Variants in ZNF345 observed in about 807,000 individuals in gnomAD.
ZNF345 encodes zinc finger protein HZF10.
For missense variants in ZNF345, 527 were observed against 589.9 expected, an observed-to-expected ratio of 0.89 and a Z score of 1.10; for synonymous variants, 166 against 187.9, an observed-to-expected ratio of 0.88 and a Z score of 0.95.
chr19:36,879,669 A>G (rs580168), downstream of ZNF345: 37,042 of 157,726 alleles, frequency 0.23, 6,121 homozygotes, highest in African/African-American at 0.47. Context: ...AAAGATTTTT[A>G]CATTACAGAT....
Position 36,863,886 on chromosome 19 carries a change from G to T in ZNF345, c.-47+11982G>T, listed in dbSNP as rs570604845. 2.0e-5 allele frequency among the ~76,000 whole-genome samples: 3 copies of T among 152,208 alleles called. No homozygotes were observed. The South Asian group carries it at 6.2e-4, about 32-fold the overall frequency. The stretch of plus-strand genomic sequence containing the variant: ...TGACACTTCATTCCAATCAACCATG[G>T]CCTAATTAATTGTAACATTACTGCA... On this transcript the variant is annotated intron_variant, in intron 2 of 2. Transcript: ENST00000420450.
chr19:36,856,047 C>T (rs1044279222), intron 2 of ZNF345, among the ~76,000 whole-genome samples: 3 of 152,188 alleles, frequency 2.0e-5, no homozygotes, highest in Non-Finnish European at 4.4e-5. Flanking sequence ...CTGTCAGTGT[C>T]GTCAAGATTG....
At chr19:36,854,279 C>A (rs986880779) in intron 2 of ZNF345, among the ~76,000 whole-genome samples, 1 of 150,464 alleles carries the variant, frequency 6.6e-6, no homozygotes, top group Non-Finnish European at 1.5e-5. Flanking sequence ...CCTGCCTGTC[C>A]TTGTCCCCCT....
intron 2 of ZNF345, among the ~76,000 whole-genome samples, chr19:36,856,141 C>T (rs185162986): frequency 1.3e-5 from 2 of 152,286 alleles, no homozygotes; most frequent in South Asian, 2.1e-4. Flanking sequence ...TTCTTGGGAC[C>T]TCTATATCAA....
At chr19:36,875,609 C>T (rs1338671730) in intron 2 of ZNF345, among the ~76,000 whole-genome samples, 2 of 152,034 alleles carry the variant, frequency 1.3e-5, no homozygotes, top group South Asian at 4.1e-4. Context: ...GCTAAGGGTG[C>T]AAAACTGGAA....
chr19:36,857,335 C>G (rs1236242223), intron 2 of ZNF345, among the ~76,000 whole-genome samples: 1 of 152,032 alleles, frequency 6.6e-6, no homozygotes, highest in Admixed American at 6.6e-5. Context: ...GAGACGGAGT[C>G]TTGCTCTGTC....
exon 4 of ZNF345, chr19:36,892,907 A>C (rs761568000): frequency 3.2e-5 from 37 of 1,140,872 alleles, no homozygotes; most frequent in Non-Finnish European, 4.0e-5. Flanking sequence ...CAGCATGCCC[A>C]GGCAGGGGTT....
intron 2 of ZNF345, among the ~76,000 whole-genome samples, chr19:36,859,818 C>T (rs74477157): frequency 0.018 from 2,711 of 152,062 alleles, 65 homozygotes; most frequent in East Asian, 0.11. Context: ...TACCTTTTGC[C>T]TATTTGCGTT....
intron 2 of ZNF345, chr19:36,854,641 C>T (rs948912203): frequency 3.3e-5 from 5 of 152,088 alleles, no homozygotes; most frequent in Non-Finnish European, 7.3e-5. Flanking sequence ...TCTTCTCCAG[C>T]TCTTTATGTA....
chr19:36,892,712 C>G, intron 3 of ZNF345: 1 of 583,478 alleles, frequency 1.7e-6, no homozygotes, highest in Admixed American at 3.6e-5. Flanking sequence ...TTGGTCTGAA[C>G]CAGAGTCACC....
At chr19:36,891,656 G>T (rs1426317047) in intron 3 of ZNF345, 3 of 1,613,382 alleles carry the variant, frequency 1.9e-6, no homozygotes, top group Non-Finnish European at 2.5e-6. Context: ...CATTCATATG[G>T]TTTTTCATCT....
rs558185781 is a variant in ZNF345, at chr19:36,856,748, T to A, written c.-47+4844T>A. Reference sequence around the variant, plus strand: ...GCAGGTACCTGTAATTCCAGCTACCTGGGAGGCAGGAGAATCGCTGGAACC... The same window carrying A: ...GCAGGTACCTGTAATTCCAGCTACCAGGGAGGCAGGAGAATCGCTGGAACC... On this transcript the variant is annotated intron_variant, in intron 2 of 2. Coordinates refer to ENST00000420450, the MANE Select transcript of ZNF345 (RefSeq NM_001242472.2). Among the ~76,000 whole-genome samples, 5 of 151,076 alleles carry A rather than the reference T, an allele frequency of 3.3e-5. No homozygotes were observed. The South Asian group carries it at 1.0e-3, about 32-fold the overall frequency.
intron 2 of ZNF345, among the ~76,000 whole-genome samples, chr19:36,868,783 G>A (rs1391164691): frequency 2.6e-5 from 4 of 151,752 alleles, no homozygotes; most frequent in African/African-American, 9.7e-5. Context: ...GTGCCACCAC[G>A]CCCAGCTAAT....
In ZNF345 at chr19:36,876,915, G is replaced by C; in HGVS notation, c.85G>C (p.Gly29Arg). 6.2e-7 allele frequency: 1 copy of C among 1,614,008 alleles called. No homozygotes were observed. Among genetic ancestry groups the C allele is most frequent in the South Asian group, 1.1e-5 (1 of 91,050 alleles). ...ECKNQFERKQGSQEGHFSEMI... is the reference protein window; with the variant it reads ...ECKNQFERKQRSQEGHFSEMI... ...TAAAAACCAGTTTGAGAGAAAACAG[G>C]GATCTCAGGAAGGACATTTCAGTGA... The change falls in exon 3 of 3, where the codon GGA (glycine) becomes CGA (arginine). Residue 29 changes from glycine (G) to arginine (R), a missense_variant. Gly to Arg is a moderately radical substitution (Grantham distance 125, BLOSUM62 -2). Coordinates refer to ENST00000420450, the MANE Select transcript of ZNF345 (RefSeq NM_001242472.2).
At chr19:36,856,631 G>A (rs980855329) in intron 2 of ZNF345, among the ~76,000 whole-genome samples, 11 of 152,056 alleles carry the variant, frequency 7.2e-5, no homozygotes, top group African/African-American at 1.4e-4. Context: ...CGAGGCAGGC[G>A]CATCACCTGA....
intron 3 of ZNF345, chr19:36,888,044 C>G (rs1280706969): frequency 6.6e-6 from 1 of 151,944 alleles, no homozygotes; most frequent in Non-Finnish European, 1.5e-5. Flanking sequence ...ATGACAAACA[C>G]TAACCTTAAT....
chr19:36,878,354 G>A lies in ZNF345; in HGVS notation c.*57G>A. 19 of 1,480,326 alleles carry A rather than the reference G, an allele frequency of 1.3e-5. No homozygotes were observed. Among genetic ancestry groups the A allele is most frequent in the Non-Finnish European group, 1.6e-5 (18 of 1,105,564 alleles). 91.7% of individuals were successfully genotyped at this position (1,480,326 alleles called of 1,614,324 possible). A position where few individuals can be genotyped will look rare whatever the true frequency, so the allele number is the denominator to read the frequency against. ...ATGACTTAAGAAAATTCATAGTGGT[G>A]AAAATCTCTACAAATAGAACTAAGG... On this transcript the variant is annotated 3_prime_UTR_variant, in exon 3 of 3. Coordinates refer to ENST00000420450, the MANE Select transcript of ZNF345 (RefSeq NM_001242472.2).
chr19:36,883,328 G>A (rs1479278451), downstream of ZNF345, among the ~76,000 whole-genome samples: 1 of 152,054 alleles, frequency 6.6e-6, no homozygotes, highest in Non-Finnish European at 1.5e-5. Flanking sequence ...TTAATGCATC[G>A]TTTCTCTTCA....
At chr19:36,869,031 C>A (rs1365778672) in intron 2 of ZNF345, among the ~76,000 whole-genome samples, 1 of 152,266 alleles carries the variant, frequency 6.6e-6, no homozygotes, top group South Asian at 2.1e-4. Context: ...GGATTTTAAT[C>A]TATTTAATCT....
Sources: allele counts gnomAD v4.1 joint callset (sites outside exome capture counted in the v4.1 genomes callset), GRCh38; gene constraint gnomAD v4.1.1; transcripts MANE v1.5; gene names NCBI Gene and HGNC (gene_info 2026-07-23, HGNC 2026-07-21).